The following AFAP1L1 variants were observed in gnomAD, a reference collection of about 807,000 sequenced individuals.
The protein encoded by AFAP1L1 is actin filament-associated protein 1-like 1.
Under a neutral mutation model 99.8 loss-of-function variants are expected in AFAP1L1, and 77 were observed. That is an observed-to-expected ratio of 0.77 (90% CI 0.64 to 0.93). AFAP1L1 has a LOEUF of 0.93. AFAP1L1 is among the 40% of genes least tolerant of loss of function. The pLI is 0.00. For missense variants in AFAP1L1, 893 were observed against 996.8 expected, an observed-to-expected ratio of 0.90 and a Z score of 1.40; for synonymous variants, 373 against 395.3, an observed-to-expected ratio of 0.94 and a Z score of 0.67.
intron 1 of AFAP1L1, 109 bp downstream of exon 1, chr5:149,272,093 G>A: frequency 9.0e-7 from 1 of 1,115,190 alleles, no homozygotes; most frequent in Non-Finnish European, 1.1e-6. Flanking sequence ...GTGGGGCGGG[G>A]GCTGAGGAAC....
Position 149,320,606 on chromosome 5 carries a change from G to C in AFAP1L1, c.1698+143G>C. 1.3e-6 allele frequency: 1 copy of C among 757,624 alleles called. No homozygotes were observed. The highest frequency in any genetic ancestry group is 2.1e-6 in the Non-Finnish European group (1 of 466,078). 46.9% of individuals were successfully genotyped at this position (757,624 alleles called of 1,614,324 possible). On this transcript the variant is annotated intron_variant, in intron 14 of 18. Coordinates refer to ENST00000296721, the MANE Select transcript of AFAP1L1 (RefSeq NM_152406.4). This position sits in a 1 kb window ranked among gnomAD's most constrained non-coding sequence, Gnocchi z 4.0. ...AGAAGGGGAGCCCCTTCTTATCATA[G>C]AGCATGGCTCAGGATGAGGAATCCC...
intron 5 of AFAP1L1, 83 bp from the exon 6 acceptor site, chr5:149,306,223 G>A: frequency 8.4e-7 from 1 of 1,184,036 alleles, no homozygotes; most frequent in Non-Finnish European, 1.2e-6. Context: ...AGGTGGAGCA[G>A]GGGTGTCAGG....
At position 149,299,759 on chromosome 5, in the gene AFAP1L1, G is replaced by A. The variant is rs917929337; in HGVS notation, c.145+122G>A. 4.9e-6 allele frequency: 7 copies of A among 1,428,768 alleles called. No individual in the cohort carries two copies. In the African/African-American group the frequency reaches 7.1e-5, roughly 15 times the overall value. 88.5% of individuals were successfully genotyped at this position (1,428,768 alleles called of 1,614,324 possible). A position where few individuals can be genotyped will look rare whatever the true frequency, so the allele number is the denominator to read the frequency against. ...ACCCCCACCCCCAGGGGCTGCCGCAGGAGGAAGGCTAAGCCCTGGACACAG... is the reference window on the plus strand; with the variant it reads ...ACCCCCACCCCCAGGGGCTGCCGCAAGAGGAAGGCTAAGCCCTGGACACAG... On this transcript the variant is annotated intron_variant, in intron 2 of 18. Coordinates refer to ENST00000296721, the MANE Select transcript of AFAP1L1 (RefSeq NM_152406.4).
Position 149,340,187 on chromosome 5 carries a change from G to C in AFAP1L1, c.*157G>C. 1 of 726,228 alleles carries C rather than the reference G, an allele frequency of 1.4e-6. No homozygotes were observed. The highest frequency in any genetic ancestry group is 2.3e-6 in the Non-Finnish European group (1 of 439,312). The allele number at this position is 726,228 out of a possible 1,614,324, so 45.0% of individuals were successfully genotyped here. A position where few individuals can be genotyped will look rare whatever the true frequency, so the allele number is the denominator to read the frequency against. ...GCCTTTATTGTCTGCATGATTTTAGGGGATATGGGGAGGGAACAAGTAGAA... is the reference window on the plus strand; with the variant it reads ...GCCTTTATTGTCTGCATGATTTTAGCGGATATGGGGAGGGAACAAGTAGAA... On this transcript the variant is annotated 3_prime_UTR_variant, in exon 19 of 19. Transcript: ENST00000296721.
chr5:149,313,738 G>A (rs1446369257), intron 9 of AFAP1L1, among the ~76,000 whole-genome samples: 1 of 152,210 alleles, frequency 6.6e-6, no homozygotes, highest in Non-Finnish European at 1.5e-5. Flanking sequence ...TAAATGCCAA[G>A]CTGTGTAAGT....
intron 1 of AFAP1L1, among the ~76,000 whole-genome samples, chr5:149,284,803 G>A (rs1458746737): frequency 1.3e-5 from 2 of 152,160 alleles, no homozygotes; most frequent in Non-Finnish European, 2.9e-5. Context: ...GCTCACATTC[G>A]AATGGAAAGG....
chr5:149,318,012 G>A (rs1213778067), intron 12 of AFAP1L1, 72 bp downstream of exon 12: 1 of 1,502,244 alleles, frequency 6.7e-7, no homozygotes, highest in African/African-American at 1.4e-5. Flanking sequence ...GTTTTTGTTT[G>A]GGGGAGCCCT....
intron 18 of AFAP1L1, among the ~76,000 whole-genome samples, chr5:149,339,599 A>T (rs1302676514): frequency 6.6e-6 from 1 of 152,012 alleles, no homozygotes; most frequent in Non-Finnish European, 1.5e-5. Context: ...TAGAAATAGG[A>T]GCTGATGGAT....
At chr5:149,301,079 G>A in intron 3 of AFAP1L1, 54 bp from the exon 4 acceptor site, 1 of 1,550,746 alleles carries the variant, frequency 6.4e-7, no homozygotes. Flanking sequence ...CTCTTCCCCT[G>A]GTCTGTGCTG....
At chr5:149,315,722 A>G in intron 9 of AFAP1L1, 99 bp from the exon 10 acceptor site, 1 of 934,158 alleles carries the variant, frequency 1.1e-6, no homozygotes, top group Non-Finnish European at 1.7e-6. Flanking sequence ...GCTAATTATC[A>G]TGTGCTGGGG....
intron 15 of AFAP1L1, among the ~76,000 whole-genome samples, chr5:149,326,584 T>A (rs1757104676): frequency 6.7e-6 from 1 of 149,648 alleles, no homozygotes; most frequent in Admixed American, 6.6e-5. Context: ...ATATATATAT[T>A]TAAAAAGAAA....
At chr5:149,283,054 A>G (rs1755569348) in intron 1 of AFAP1L1, among the ~76,000 whole-genome samples, 1 of 151,240 alleles carries the variant, frequency 6.6e-6, no homozygotes, top group Non-Finnish European at 1.5e-5. Flanking sequence ...TGCAGATCCC[A>G]TAGGCTTCAT....
intron 9 of AFAP1L1, among the ~76,000 whole-genome samples, chr5:149,314,476 G>C (rs768632182): frequency 6.6e-6 from 1 of 152,154 alleles, no homozygotes; most frequent in African/African-American, 2.4e-5. Context: ...TGGTGGGTCT[G>C]TTCTCCATAG....
At chr5:149,330,938 T>A (rs1237049506) in intron 16 of AFAP1L1, among the ~76,000 whole-genome samples, 1 of 152,186 alleles carries the variant, frequency 6.6e-6, no homozygotes, top group African/African-American at 2.4e-5. Context: ...AATTTTTTTT[T>A]AATTTTTGCA....
intron 1 of AFAP1L1, among the ~76,000 whole-genome samples, chr5:149,289,142 A>C (rs930792547): frequency 3.3e-5 from 5 of 152,184 alleles, no homozygotes; most frequent in African/African-American, 1.2e-4. Context: ...GAGGGGGTTA[A>C]ATAACTCATC....
At position 149,326,545 on chromosome 5, in the gene AFAP1L1, T is replaced by TA. The variant is rs59762007; in HGVS notation, c.1811-3104dup. Among the ~76,000 whole-genome samples the TA allele has an allele frequency of 8.2e-3, 1,060 of 129,654 alleles. 28 individuals carry two copies. Among genetic ancestry groups the TA allele is most frequent in the African/African-American group, 0.031 (1,033 of 33,440 alleles). 85.1% of individuals were successfully genotyped at this position (129,654 alleles called of 152,430 possible). A position where few individuals can be genotyped will look rare whatever the true frequency, so the allele number is the denominator to read the frequency against. ...CAGAGTGAGACCCTGTCGCCAAAAA[T>TA]AAAAAAAAAAAAAAAAAGAAAGAAA... On this transcript the variant is annotated intron_variant, in intron 15 of 18. Coordinates refer to ENST00000296721, the MANE Select transcript of AFAP1L1 (RefSeq NM_152406.4).
chr5:149,292,800 A>C (rs554347370), intron 1 of AFAP1L1, among the ~76,000 whole-genome samples: 1 of 152,352 alleles, frequency 6.6e-6, no homozygotes, highest in Admixed American at 6.5e-5. Context: ...CTCATGCCCG[A>C]GTCTGCCAAG....
At chr5:149,310,473 A>AAAC (rs1412330113) in intron 8 of AFAP1L1, among the ~76,000 whole-genome samples, 1 of 152,226 alleles carries the variant, frequency 6.6e-6, no homozygotes, top group Non-Finnish European at 1.5e-5. Flanking sequence ...TGAATTCTTA[A>AAAC]AACAACAACA....
At chr5:149,302,213 G>A (rs1480119165) in intron 4 of AFAP1L1, among the ~76,000 whole-genome samples, 2 of 98,344 alleles carry the variant, frequency 2.0e-5, no homozygotes, top group Admixed American at 2.3e-4. Context: ...ACATTCCAGG[G>A]GAACCCTGAT....
Sources: gnomAD v4.1 joint callset for allele counts (sites outside exome capture counted in the v4.1 genomes callset) on GRCh38, gnomAD v4.1.1 for gene constraint, Gnocchi (gnomAD v3.1) non-coding constraint, MANE v1.5 for transcripts, NCBI Gene and HGNC (gene_info 2026-07-23, HGNC 2026-07-21) for gene names.